VIT: variants seen among roughly 807,000 people sequenced by gnomAD.
VIT encodes the protein vitrin.
VIT carries 99 observed loss-of-function variants against 78.0 expected under a neutral mutation model. The observed-to-expected ratio is 1.27, with a 90% confidence interval of 1.08 to 1.50. The LOEUF (loss-of-function observed/expected upper bound fraction) is 1.50, where lower values mean the gene tolerates loss of function less well. Ranked by LOEUF, VIT falls within the 40% of genes most tolerant of loss-of-function variation. The pLI is 0.00. For synonymous variants in VIT, 374 were observed against 334.3 expected (o/e 1.12, Z -1.29); for missense variants, 1,126 against 875.3 (o/e 1.29, Z -3.61).
chr2:36,801,650 A>G (rs1310464208), intron 13 of VIT, among the ~76,000 whole-genome samples: 1 of 152,112 alleles, frequency 6.6e-6, no homozygotes, highest in East Asian at 1.9e-4. Flanking sequence ...TCTACTAAAA[A>G]TACAAAAATT....
intron 12 of VIT, among the ~76,000 whole-genome samples, chr2:36,793,591 G>A (rs1004950763): frequency 1.3e-5 from 2 of 152,194 alleles, no homozygotes; most frequent in African/African-American, 4.8e-5. Flanking sequence ...ACATCCTCCT[G>A]ATCTTACAGG....
At chr2:36,793,568 C>A (rs759202197) in intron 12 of VIT, among the ~76,000 whole-genome samples, 2 of 152,234 alleles carry the variant, frequency 1.3e-5, no homozygotes, top group Admixed American at 6.5e-5. Flanking sequence ...CAGCCACTGT[C>A]GTGTGACCTG....
At chr2:36,731,106 A>T (rs1667177527) in intron 3 of VIT, among the ~76,000 whole-genome samples, 1 of 151,874 alleles carries the variant, frequency 6.6e-6, no homozygotes, top group South Asian at 2.1e-4. Context: ...TTCTGCTTGG[A>T]GGTGGGGCTT....
intron 1 of VIT, among the ~76,000 whole-genome samples, chr2:36,715,523 G>A (rs1666071304): frequency 6.6e-6 from 1 of 150,682 alleles, no homozygotes; most frequent in Non-Finnish European, 1.5e-5. Context: ...GTGACAGAGT[G>A]AGACTACGTC....
chr2:36,797,544 G>A (rs1303475070), intron 12 of VIT, among the ~76,000 whole-genome samples: 2 of 152,180 alleles, frequency 1.3e-5, no homozygotes, highest in African/African-American at 4.8e-5. Context: ...ATGGGTGGTT[G>A]GGTGGATCAG....
chr2:36,787,620 T>A (rs983079330), intron 12 of VIT, among the ~76,000 whole-genome samples: 4 of 152,258 alleles, frequency 2.6e-5, no homozygotes, highest in African/African-American at 9.6e-5. Context: ...CCTCTCTGAT[T>A]GTCAGTTTCC....
chr2:36,711,396 C>G (rs1364197531), intron 1 of VIT, among the ~76,000 whole-genome samples: 1 of 152,104 alleles, frequency 6.6e-6, no homozygotes, highest in Non-Finnish European at 1.5e-5. Flanking sequence ...CTTTTTCAGT[C>G]TTAACAAGAT....
rs778986570 is a variant in VIT at position 36,743,146 on chromosome 2, T to G, written c.165T>G (p.Asp55Glu). 6.2e-7 allele frequency: 1 copy of G among 1,614,098 alleles called. No individual in the cohort carries two copies. Among genetic ancestry groups the G allele is most frequent in the Non-Finnish European group, 8.5e-7 (1 of 1,179,978 alleles). Residue 55 changes from aspartate (D) to glutamate (E), a missense_variant, in exon 4 of 16, where the codon GAT (aspartate) becomes GAG (glutamate). By Grantham distance (45) the Asp-to-Glu change is conservative. Coordinates refer to ENST00000379242, the MANE Select transcript of VIT (RefSeq NM_053276.4). ...ATGTCAAAGCCGGAAAGATCATCGA[T>G]CCTGAGTTCATTGTGAAATGTCCAG... ...NCDVKAGKIIDPEFIVKCPAG... is the reference protein window; with the variant it reads ...NCDVKAGKIIEPEFIVKCPAG...
chr2:36,717,592 G>A (rs1406226711), intron 2 of VIT, among the ~76,000 whole-genome samples: 1 of 152,076 alleles, frequency 6.6e-6, no homozygotes, highest in African/African-American at 2.4e-5. Flanking sequence ...ATCATGGATA[G>A]GCCCTTGAAG....
chr2:36,735,035 G>A (rs1484539999), intron 3 of VIT, among the ~76,000 whole-genome samples: 2 of 152,052 alleles, frequency 1.3e-5, no homozygotes, highest in African/African-American at 4.8e-5. Flanking sequence ...GTGGTGGCAG[G>A]CACCTGTAAT....
At chr2:36,782,082 AACTTCCTCCAACTCC>A (rs1414425366) in intron 10 of VIT, among the ~76,000 whole-genome samples, 2 of 152,156 alleles carry the variant, frequency 1.3e-5, no homozygotes, top group Non-Finnish European at 2.9e-5. Context: ...AGCACACTTT[AACTTCCTCCAACTCC>A]ACTTCCTCCT....
At chr2:36,699,661 G>GATAGATAC (rs1664921708) in intron 1 of VIT, among the ~76,000 whole-genome samples, 1 of 151,934 alleles carries the variant, frequency 6.6e-6, no homozygotes, top group South Asian at 2.1e-4. Context: ...TAGATAGATA[G>GATAGATAC]ATAGATATGC....
At chr2:36,792,344 A>G (rs1665561553) in intron 12 of VIT, among the ~76,000 whole-genome samples, 1 of 152,186 alleles carries the variant, frequency 6.6e-6, no homozygotes, top group African/African-American at 2.4e-5. Flanking sequence ...AGACCAAGTG[A>G]ACTGTGAATA....
At chr2:36,784,128 C>G (rs1664940764) in intron 11 of VIT, among the ~76,000 whole-genome samples, 1 of 152,254 alleles carries the variant, frequency 6.6e-6, no homozygotes, top group African/African-American at 2.4e-5. Context: ...GAGAAACCAC[C>G]TGAGGATATC....
intron 2 of VIT, 71 bp downstream of exon 2, chr2:36,716,493 A>G (rs1666145428): frequency 2.1e-6 from 3 of 1,438,012 alleles, no homozygotes; most frequent in South Asian, 1.2e-5. Context: ...TCTAGCCAAG[A>G]AAAGTTTTAA....
At chr2:36,784,552 A>C (rs1664967511) in intron 11 of VIT, among the ~76,000 whole-genome samples, 1 of 152,262 alleles carries the variant, frequency 6.6e-6, no homozygotes, top group Admixed American at 6.5e-5. Flanking sequence ...CCTGATATGT[A>C]CATGACTGTG....
At chr2:36,767,699 C>T (rs2148586895) in intron 7 of VIT, among the ~76,000 whole-genome samples, 1 of 152,256 alleles carries the variant, frequency 6.6e-6, no homozygotes, top group South Asian at 2.1e-4. Context: ...GTTTTTGTTC[C>T]TTTTCTGATG....
rs748813488 is a variant in VIT at position 36,814,317 on chromosome 2, A to G, written c.2038A>G (p.Ile680Val). 15 of 1,614,106 alleles carry G rather than the reference A, an allele frequency of 9.3e-6. No homozygotes were observed. In the Middle Eastern group the frequency reaches 8.2e-4, roughly 88 times the overall value. Residue 680 changes from isoleucine (I) to valine (V), a missense_variant, in exon 16 of 16, where the codon ATC becomes GTC. Coordinates refer to ENST00000379242, the MANE Select transcript of VIT (RefSeq NM_053276.4). Reference protein sequence around the residue: ...DNLHQYVPRIIQNICTEFNSQ... With the variant: ...DNLHQYVPRIVQNICTEFNSQ... ...CCTCCATCAGTATGTCCCCAGGATC[A>G]TCCAGAACATTTGTACAGAGTTCAA...
intron 1 of VIT, among the ~76,000 whole-genome samples, chr2:36,714,801 T>C (rs1666022398): frequency 6.6e-6 from 1 of 152,140 alleles, no homozygotes; most frequent in Admixed American, 6.5e-5. Flanking sequence ...CCTCATCTGT[T>C]CAATGAGGAT....
Sources: gnomAD v4.1 joint callset for allele counts (sites outside exome capture counted in the v4.1 genomes callset) on GRCh38, gnomAD v4.1.1 for gene constraint, MANE v1.5 for transcripts, NCBI Gene and HGNC (gene_info 2026-07-23, HGNC 2026-07-21) for gene names.